The following ERICH5 variants were observed in gnomAD, a reference collection of about 807,000 sequenced individuals.
ERICH5 encodes the protein glutamate-rich protein 5.
Under a neutral mutation model 28.0 loss-of-function variants are expected in ERICH5, and 24 were observed. That is an observed-to-expected ratio of 0.86 (90% CI 0.62 to 1.21). The LOEUF (loss-of-function observed/expected upper bound fraction) is 1.21. ERICH5 is among the 50% of genes most tolerant of loss of function. ERICH5 has a pLI of 0.00. For missense variants in ERICH5, 421 were observed against 441.2 expected, an observed-to-expected ratio of 0.95 and a Z score of 0.41; for synonymous variants, 163 against 157.6, an observed-to-expected ratio of 1.03 and a Z score of -0.25.
intron 2 of ERICH5, among the ~76,000 whole-genome samples, chr8:98,092,777 CTTT>C (rs1038008713): frequency 7.9e-5 from 11 of 139,848 alleles, no homozygotes; most frequent in Middle Eastern, 3.7e-3. Context: ...TTTTCTTTTC[CTTT>C]TTTTTTTTTT....
rs777764848 is a variant in ERICH5 at position 98,089,433 on chromosome 8, A to T, written c.416A>T (p.Glu139Val). 3 of 1,614,126 alleles carry T rather than the reference A, an allele frequency of 1.9e-6. No homozygotes were observed. The highest frequency in any genetic ancestry group is 2.5e-6 in the Non-Finnish European group (3 of 1,180,044). Residue 139 changes from glutamate (E) to valine (V), a missense_variant, in exon 2 of 3, where the codon GAG becomes GTG. Coordinates refer to ENST00000318528, the MANE Select transcript of ERICH5 (RefSeq NM_173549.3). ...GKKKDAGAGT[E>V]AESLKGNAEA... The stretch of plus-strand genomic sequence containing the variant: ...AAGAAAGATGCAGGAGCAGGGACAG[A>T]GGCCGAGTCTCTAAAAGGAAATGCT...
chr8:98,080,658 CCTCCTT>C (rs995629056), intron 1 of ERICH5, among the ~76,000 whole-genome samples: 17 of 150,562 alleles, frequency 1.1e-4, no homozygotes, highest in South Asian at 2.1e-4. Flanking sequence ...TTCTTCTTCT[CCTCCTT>C]CTCCTTCTCC....
chr8:98,066,703 A>T (rs1814824592), intron 1 of ERICH5, among the ~76,000 whole-genome samples: 1 of 152,202 alleles, frequency 6.6e-6, no homozygotes, highest in African/African-American at 2.4e-5. Context: ...TGCTCAACAC[A>T]CACGTTGAAT....
At chr8:98,085,812 C>G (rs1815266860) in intron 1 of ERICH5, among the ~76,000 whole-genome samples, 2 of 152,158 alleles carry the variant, frequency 1.3e-5, no homozygotes, top group Non-Finnish European at 2.9e-5. Flanking sequence ...CACGTGTTCT[C>G]CTGGGGCTCG....
chr8:98,082,112 C>A (rs1012041196), intron 1 of ERICH5, among the ~76,000 whole-genome samples: 1 of 152,060 alleles, frequency 6.6e-6, no homozygotes, highest in Non-Finnish European at 1.5e-5. Context: ...TGCAATTAAT[C>A]AATATAAATT....
In ERICH5 at chr8:98,093,254, A is replaced by G. The variant is rs1364248989; in HGVS notation, c.1046A>G (p.Glu349Gly). The change falls in exon 3 of 3, where the codon GAG becomes GGG. Residue 349 changes from glutamate to glycine, a missense_variant. Physicochemically the swap from Glu to Gly is moderately conservative, Grantham distance 98 (BLOSUM62 -2). Transcript: ENST00000318528. Reference sequence around the variant, plus strand: ...GGGGAAAAGGTGGAAACAGACATGGAGAATGAGAAAGTGAGTGAAGGGGCT... The same window carrying G: ...GGGGAAAAGGTGGAAACAGACATGGGGAATGAGAAAGTGAGTGAAGGGGCT... ...ETGEKVETDM[E>G]NEKVSEGAET... 1 of 1,614,014 alleles carries G rather than the reference A, an allele frequency of 6.2e-7. No homozygotes were observed. The highest frequency in any genetic ancestry group is 1.7e-5 in the Admixed American group (1 of 60,010).
At chr8:98,092,377 G>A (rs898419423) in intron 2 of ERICH5, among the ~76,000 whole-genome samples, 4 of 152,068 alleles carry the variant, frequency 2.6e-5, no homozygotes, top group East Asian at 1.9e-4. Context: ...TGGCCAGGCC[G>A]GTCTCAGACC....
intron 1 of ERICH5, among the ~76,000 whole-genome samples, chr8:98,085,022 G>T (rs1364868404): frequency 3.3e-5 from 5 of 149,668 alleles, no homozygotes; most frequent in African/African-American, 1.2e-4. Context: ...TAATCTTTTT[G>T]TCTTCTTTTA....
intron 1 of ERICH5, among the ~76,000 whole-genome samples, chr8:98,080,658 C>T (rs1815165459): frequency 1.3e-5 from 2 of 150,446 alleles, no homozygotes; most frequent in South Asian, 4.2e-4. Flanking sequence ...TTCTTCTTCT[C>T]CTCCTTCTCC....
Position 98,089,974 on chromosome 8 carries a change from A to G in ERICH5, c.957A>G (p.Ala319=). The change falls in exon 2 of 3, where the codon GCA becomes GCG. Residue 319 remains alanine, a synonymous_variant. Transcript: ENST00000318528. ...EHPARNVEAG[A]YVEMIRNIHT... is the part of the protein sequence containing the mutation. ...CAGCACGAAATGTAGAGGCAGGAGCATATGTGGAAATGATCAGGAACATCC... is the reference window on the plus strand; with the variant it reads ...CAGCACGAAATGTAGAGGCAGGAGCGTATGTGGAAATGATCAGGAACATCC... The G allele has an allele frequency of 1.2e-6, 2 of 1,614,066 alleles. No homozygotes were observed. Among genetic ancestry groups the G allele is most frequent in the Non-Finnish European group, 1.7e-6 (2 of 1,180,016 alleles).
Position 98,080,248 on chromosome 8 carries a change from C to T in ERICH5, c.59-8828C>T, listed in dbSNP as rs1047304580. On this transcript the variant is annotated intron_variant, in intron 1 of 2. Transcript: ENST00000318528. ...AATTCTAACAAGCCTGAAAGGCAAA[C>T]AATACCCACATGTTATGGATAAGGA... 9.9e-5 allele frequency among the ~76,000 whole-genome samples: 15 copies of T among 151,752 alleles called. 1 individual carries two copies. The highest frequency in any genetic ancestry group is 6.8e-3 in the Middle Eastern group (2 of 294).
intron 1 of ERICH5, among the ~76,000 whole-genome samples, chr8:98,077,074 G>T (rs928477330): frequency 6.6e-6 from 1 of 150,912 alleles, no homozygotes; most frequent in African/African-American, 2.4e-5. Flanking sequence ...ACCAGCCTGG[G>T]CAACATAGCG....
chr8:98,091,849 T>C (rs1449648050), intron 2 of ERICH5, among the ~76,000 whole-genome samples: 1 of 79,062 alleles, frequency 1.3e-5, no homozygotes, highest in Admixed American at 1.4e-4. Flanking sequence ...TCTTTCTTTC[T>C]TTCTTTCTTT....
At chr8:98,081,254 C>T (rs1213483111) in intron 1 of ERICH5, among the ~76,000 whole-genome samples, 1 of 152,022 alleles carries the variant, frequency 6.6e-6, no homozygotes, top group African/African-American at 2.4e-5. Flanking sequence ...TACAGGCCTG[C>T]ACCACCATAC....
chr8:98,071,804 A>G (rs1448237883), intron 1 of ERICH5, among the ~76,000 whole-genome samples: 2 of 152,168 alleles, frequency 1.3e-5, no homozygotes, highest in African/African-American at 4.8e-5. Context: ...CGGGCTCTCA[A>G]GTTCATTCAT....
intron 1 of ERICH5, among the ~76,000 whole-genome samples, chr8:98,067,562 C>G (rs1586196537): frequency 6.6e-6 from 1 of 151,768 alleles, no homozygotes; most frequent in African/African-American, 2.4e-5. Context: ...GTGTGGTCAC[C>G]CACTATCTAA....
intron 1 of ERICH5, among the ~76,000 whole-genome samples, chr8:98,083,236 A>C (rs866631280): frequency 4.6e-5 from 7 of 152,228 alleles, no homozygotes; most frequent in African/African-American, 1.7e-4. Flanking sequence ...TTTTACCAGA[A>C]AATATAATTT....
At position 98,089,959 on chromosome 8, in the gene ERICH5, T is replaced by C. The variant is rs1429566003; in HGVS notation, c.942T>C (p.Asn314=). The change falls in exon 2 of 3, where the codon AAT becomes AAC. Residue 314 remains asparagine (N), a synonymous_variant. Coordinates refer to ENST00000318528, the MANE Select transcript of ERICH5 (RefSeq NM_173549.3). ...IVGSMEHPAR[N]VEAGAYVEMI... The stretch of plus-strand genomic sequence containing the variant: ...GAAGCATGGAGCATCCAGCACGAAA[T>C]GTAGAGGCAGGAGCATATGTGGAAA... 1.9e-6 allele frequency: 3 copies of C among 1,613,962 alleles called. No individual in the cohort carries two copies. The highest frequency in any genetic ancestry group is 2.2e-5 in the East Asian group (1 of 44,898).
chr8:98,068,238 G>T (rs111422992), intron 1 of ERICH5, among the ~76,000 whole-genome samples: 1 of 152,168 alleles, frequency 6.6e-6, no homozygotes, highest in Non-Finnish European at 1.5e-5. Context: ...TACTGATTAT[G>T]TGGGGACATT....
Sources: gnomAD v4.1 joint callset for allele counts (sites outside exome capture counted in the v4.1 genomes callset) on GRCh38, gnomAD v4.1.1 for gene constraint, MANE v1.5 for transcripts, NCBI Gene and HGNC (gene_info 2026-07-23, HGNC 2026-07-21) for gene names.